The following RMND5A variants were observed in gnomAD, a reference collection of about 807,000 sequenced individuals.
The protein encoded by RMND5A is E3 ubiquitin-protein transferase RMND5A.
In RMND5A, 17 loss-of-function variants were observed where a neutral mutation model predicts 49.7. The ratio of observed to expected loss-of-function variants is 0.34; its 90% CI spans 0.23 to 0.51. The LOEUF is 0.51. Among genes scored for constraint, RMND5A ranks in the 20% least tolerant of loss-of-function variants. The probability of loss-of-function intolerance (pLI) is 0.96; values close to 1 mark genes in which losing one functional copy is unlikely to be tolerated. For synonymous variants in RMND5A, 156 were observed against 167.7 expected, an observed-to-expected ratio of 0.93 and a Z score of 0.54; for missense variants, 255 against 471.3, an observed-to-expected ratio of 0.54 and a Z score of 4.25.
rs1270454814 is a variant in RMND5A at position 86,774,633 on chromosome 2, T to G, written c.*1222T>G. 6.5e-6 allele frequency: 1 copy of G among 152,676 alleles called. No individual in the cohort carries two copies. Among genetic ancestry groups the G allele is most frequent in the Non-Finnish European group, 1.5e-5 (1 of 68,050 alleles). The allele number at this position is 152,676 out of a possible 1,614,324, so 9.5% of individuals were successfully genotyped here. On this transcript the variant is annotated 3_prime_UTR_variant, in exon 9 of 9. Transcript: ENST00000283632. The stretch of plus-strand genomic sequence containing the variant: ...TGACGAACTACATGGAAAAGACTTC[T>G]GTGGACATAATTCTGACCGAAACCC...
intron 8 of RMND5A, among the ~76,000 whole-genome samples, chr2:86,772,895 T>C (rs975186885): frequency 1.1e-4 from 16 of 152,136 alleles, no homozygotes; most frequent in African/African-American, 3.9e-4. Flanking sequence ...TTGATCTTAG[T>C]TCAGGCTGTA....
chr2:86,769,414 G>T (rs1672650715), intron 6 of RMND5A, among the ~76,000 whole-genome samples: 3 of 152,146 alleles, frequency 2.0e-5, no homozygotes, highest in Admixed American at 2.0e-4. Context: ...GGTGGTATAT[G>T]GTCTGTAAGG....
intron 4 of RMND5A, among the ~76,000 whole-genome samples, chr2:86,759,684 C>T (rs1681813420): frequency 1.3e-5 from 2 of 150,920 alleles, no homozygotes; most frequent in South Asian, 4.3e-4. Flanking sequence ...CCTGTAACCC[C>T]AGCTACTCGG....
chr2:86,720,963 CCCTCTTCGTCCGATTTACCTCGAA>C, intron 1 of RMND5A, 154 bp downstream of exon 1: 1 of 595,060 alleles, frequency 1.7e-6, no homozygotes, highest in Admixed American at 3.9e-5. Flanking sequence ...AGACTTTTTC[CCCTCTTCGTCCGATTTACCTCGAA>C]CCTGCCGCGA....
rs1006433977 is a variant in RMND5A at position 86,777,686 on chromosome 2, A to T, written c.*4275A>T. 1 of 152,196 alleles carries T rather than the reference A, an allele frequency of 6.6e-6. No homozygotes were observed. The highest frequency in any genetic ancestry group is 2.4e-5 in the African/African-American group (1 of 41,444). The allele number at this position is 152,196 out of a possible 1,614,324, so 9.4% of individuals were successfully genotyped here. A position where few individuals can be genotyped will look rare whatever the true frequency, so the allele number is the denominator to read the frequency against. On this transcript the variant is annotated 3_prime_UTR_variant, in exon 9 of 9. Coordinates refer to ENST00000283632, the MANE Select transcript of RMND5A (RefSeq NM_022780.4). ...ACTGTAATCTATCATATAGAGCTAT[A>T]TGTATGGAAAATTTTGATCAATTTT...
At chr2:86,755,269 C>T (rs1307163087) in intron 4 of RMND5A, among the ~76,000 whole-genome samples, 1 of 152,156 alleles carries the variant, frequency 6.6e-6, no homozygotes, top group African/African-American at 2.4e-5. Flanking sequence ...CAGGTGCACA[C>T]CACCACACCT....
chr2:86,744,624 C>G (rs1462872356), intron 2 of RMND5A, among the ~76,000 whole-genome samples: 1 of 152,166 alleles, frequency 6.6e-6, no homozygotes, highest in Non-Finnish European at 1.5e-5. Flanking sequence ...CCCTACCTAT[C>G]ATGTCTCTGA....
At chr2:86,764,953 C>T in intron 4 of RMND5A, 74 bp from the exon 5 acceptor site, 8 of 1,433,650 alleles carry the variant, frequency 5.6e-6, no homozygotes, top group Admixed American at 2.4e-5. Context: ...TTTTGTTTTA[C>T]TGGGTTTCAA....
At chr2:86,755,112 CTT>C (rs536948355) in intron 4 of RMND5A, among the ~76,000 whole-genome samples, 8 of 141,314 alleles carry the variant, frequency 5.7e-5, no homozygotes, top group Admixed American at 2.1e-4. Flanking sequence ...GCAACAACTA[CTT>C]TTTTTTTTTT....
chr2:86,753,883 T>G (rs1039369223), intron 4 of RMND5A, among the ~76,000 whole-genome samples: 1 of 152,218 alleles, frequency 6.6e-6, no homozygotes, highest in Non-Finnish European at 1.5e-5. Context: ...AAGTTTGATA[T>G]TTAAGCTTCC....
intron 3 of RMND5A, among the ~76,000 whole-genome samples, chr2:86,752,680 A>G (rs1681656935): frequency 6.6e-6 from 1 of 152,216 alleles, no homozygotes; most frequent in South Asian, 2.1e-4. Flanking sequence ...CGAGGCCTTA[A>G]CAGGTTCTTT....
chr2:86,744,166 T>C (rs1197505116), intron 2 of RMND5A, among the ~76,000 whole-genome samples: 1 of 152,118 alleles, frequency 6.6e-6, no homozygotes, highest in Non-Finnish European at 1.5e-5. Flanking sequence ...AGGAAGCTGT[T>C]TCCCCAATAG....
intron 3 of RMND5A, 102 bp from the exon 4 acceptor site, chr2:86,753,356 T>G: frequency 1.5e-6 from 1 of 687,072 alleles, no homozygotes; most frequent in South Asian, 1.9e-5. Context: ...GAATTATCTT[T>G]AATGGCTTGC....
intron 7 of RMND5A, chr2:86,771,199 A>T (rs924990059): frequency 1.1e-4 from 19 of 173,938 alleles, no homozygotes; most frequent in South Asian, 8.8e-4. Flanking sequence ...GGTGCCTGGC[A>T]TCTGGCAGTT....
At chr2:86,743,296 C>T (rs1681481833) in intron 2 of RMND5A, among the ~76,000 whole-genome samples, 2 of 151,256 alleles carry the variant, frequency 1.3e-5, no homozygotes, top group African/African-American at 4.9e-5. Flanking sequence ...CTTATTTGGG[C>T]AGGGGGATGT....
rs993969381 is a variant in RMND5A, at chr2:86,769,931, C to T, written c.855-92C>T. 3.6e-5 allele frequency: 30 copies of T among 840,626 alleles called. No homozygotes were observed. The Admixed American group carries it at 5.8e-4, about 16-fold the overall frequency. 52.1% of individuals were successfully genotyped at this position (840,626 alleles called of 1,614,324 possible). ...CACCCTGTCCAGTGGCCAGGGTCTG[C>T]AGCACATAGAGTCTGGAGAAATTGA... is the stretch of plus-strand genomic sequence containing the variant. On this transcript the variant is annotated intron_variant, in intron 6 of 8. Transcript: ENST00000283632.
chr2:86,741,528 A>G (rs1339021939), intron 2 of RMND5A, among the ~76,000 whole-genome samples: 2 of 83,554 alleles, frequency 2.4e-5, no homozygotes, highest in African/African-American at 4.9e-5. Context: ...CGTCCCAGCT[A>G]CCTTTCAATT....
At chr2:86,752,077 T>A (rs1199008788) in intron 3 of RMND5A, 47 bp downstream of exon 3, 1 of 1,594,044 alleles carries the variant, frequency 6.3e-7, no homozygotes, top group Non-Finnish European at 8.6e-7. Flanking sequence ...ACAAGGGAAC[T>A]CCTTGGAGTT....
At chr2:86,773,293 G>A in intron 8 of RMND5A, 55 bp from the exon 9 acceptor site, 1 of 937,780 alleles carries the variant, frequency 1.1e-6, no homozygotes, top group Non-Finnish European at 1.7e-6. Flanking sequence ...GATAAAAATT[G>A]AATACACAGT....
Sources: allele counts gnomAD v4.1 joint callset (sites outside exome capture counted in the v4.1 genomes callset), GRCh38; gene constraint gnomAD v4.1.1; transcripts MANE v1.5; gene names NCBI Gene and HGNC (gene_info 2026-07-23, HGNC 2026-07-21).